Variants in ADAM32 observed in about 807,000 individuals in gnomAD.
ADAM32 encodes the protein disintegrin and metalloproteinase domain-containing protein 32.
ADAM32 carries 89 observed loss-of-function variants against 114.9 expected under a neutral mutation model. That is an observed-to-expected ratio of 0.77 (90% CI 0.65 to 0.92). ADAM32 has a LOEUF of 0.92. ADAM32 is among the 40% of genes least tolerant of loss of function. The pLI is 0.00. For missense variants in ADAM32, 870 were observed against 932.8 expected, an observed-to-expected ratio of 0.93 and a Z score of 0.88; for synonymous variants, 285 against 307.5, an observed-to-expected ratio of 0.93 and a Z score of 0.77.
chr8:39,151,145 T>C (rs1270450619), intron 5 of ADAM32, among the ~76,000 whole-genome samples: 1 of 152,206 alleles, frequency 6.6e-6, no homozygotes, highest in Non-Finnish European at 1.5e-5. Context: ...CTTGTGTACC[T>C]AGCAATTGAT....
At chr8:39,229,247 C>G (rs1809580377) in intron 14 of ADAM32, among the ~76,000 whole-genome samples, 1 of 152,138 alleles carries the variant, frequency 6.6e-6, no homozygotes, top group Admixed American at 6.6e-5. Context: ...ATAAATCACA[C>G]AGGACCTATA....
At chr8:39,109,918 C>T (rs1457985256) in intron 1 of ADAM32, among the ~76,000 whole-genome samples, 1 of 152,164 alleles carries the variant, frequency 6.6e-6, no homozygotes, top group Non-Finnish European at 1.5e-5. Flanking sequence ...CCCCTGGCAA[C>T]AACTCATCTC....
intron 19 of ADAM32, among the ~76,000 whole-genome samples, chr8:39,260,435 CT>C (rs1267685503): frequency 6.6e-6 from 1 of 152,074 alleles, no homozygotes; most frequent in Admixed American, 6.5e-5. Context: ...TAGCTTTTCA[CT>C]GTTAAGTTTA....
At chr8:39,214,270 T>A (rs1056518896) in intron 12 of ADAM32, among the ~76,000 whole-genome samples, 2 of 152,190 alleles carry the variant, frequency 1.3e-5, no homozygotes, top group African/African-American at 4.8e-5. Context: ...CAAACTGTTA[T>A]ACATAGTGAT....
At chr8:39,205,263 G>C (rs375265843) in intron 11 of ADAM32, among the ~76,000 whole-genome samples, 1 of 152,184 alleles carries the variant, frequency 6.6e-6, no homozygotes, top group Non-Finnish European at 1.5e-5. Context: ...CTTGAGCTGC[G>C]GTGGGCTCCA....
intron 14 of ADAM32, among the ~76,000 whole-genome samples, chr8:39,224,445 A>T (rs1430822830): frequency 6.6e-6 from 1 of 152,046 alleles, no homozygotes; most frequent in Non-Finnish European, 1.5e-5. Context: ...GTTATCTTTT[A>T]TCTTTTTGAC....
At chr8:39,152,968 G>A (rs954688793) in intron 6 of ADAM32, among the ~76,000 whole-genome samples, 3 of 152,122 alleles carry the variant, frequency 2.0e-5, no homozygotes, top group African/African-American at 7.2e-5. Context: ...TGGACATACT[G>A]ACATGTAATG....
At position 39,278,238 on chromosome 8, in the gene ADAM32, C is replaced by A. The variant is rs900891382; in HGVS notation, c.2279+2372C>A. Among the ~76,000 whole-genome samples, 3 of 152,150 alleles carry A rather than the reference C, an allele frequency of 2.0e-5. No individual in the cohort carries two copies. In the South Asian group the frequency reaches 6.2e-4, roughly 32 times the overall value. ...TAGTCCCTGACGTCCAGCTGCCTCT[C>A]GTCTCTGCCAACTGAGTCTGGGGTC... is the stretch of plus-strand genomic sequence containing the variant. On this transcript the variant is annotated intron_variant, in intron 22 of 24. Transcript: ENST00000379907.
intron 22 of ADAM32, among the ~76,000 whole-genome samples, chr8:39,277,858 G>A (rs1813180657): frequency 6.6e-6 from 1 of 152,228 alleles, no homozygotes; most frequent in Non-Finnish European, 1.5e-5. Flanking sequence ...TTTTAGCTTG[G>A]ACAGCTTAAG....
Position 39,257,276 on chromosome 8 carries a change from G to T in ADAM32, c.2095G>T (p.Ala699Ser), listed in dbSNP as rs772218233. Residue 699 changes from alanine (A) to serine (S), a missense_variant, in exon 19 of 25, where the codon GCA becomes TCA. Ala to Ser is a moderately conservative substitution (Grantham distance 99, BLOSUM62 1). Transcript: ENST00000379907. Reference sequence around the variant, plus strand: ...TCTTCCTATTCTCATTGTAACAACCGCAATAGTTTTGGCAAGGAAACAGTT... The same window carrying T: ...TCTTCCTATTCTCATTGTAACAACCTCAATAGTTTTGGCAAGGAAACAGTT... The part of the protein sequence containing the change: ...IALPILIVTT[A>S]IVLARKQLKK... The T allele has an allele frequency of 3.1e-6, 5 of 1,612,648 alleles. No homozygotes were observed. The highest frequency in any genetic ancestry group is 1.7e-5 in the Admixed American group (1 of 59,866).
chr8:39,240,862 A>G (rs1162959620), intron 16 of ADAM32, among the ~76,000 whole-genome samples: 1 of 152,168 alleles, frequency 6.6e-6, no homozygotes, highest in Non-Finnish European at 1.5e-5. Context: ...ATGTCCTCAC[A>G]TTTCAAAACC....
At chr8:39,211,060 T>C (rs1808172740) in intron 11 of ADAM32, 84 bp from the exon 12 acceptor site, 2 of 1,172,172 alleles carry the variant, frequency 1.7e-6, no homozygotes. Context: ...CAATTGAATT[T>C]AACATTTTGA....
chr8:39,179,143 A>T (rs1377762442), intron 10 of ADAM32, among the ~76,000 whole-genome samples: 4 of 152,070 alleles, frequency 2.6e-5, no homozygotes. Context: ...CGGCTGAACC[A>T]CAGAGACTAT....
intron 22 of ADAM32, among the ~76,000 whole-genome samples, chr8:39,277,309 C>T (rs1045439074): frequency 3.3e-5 from 5 of 152,164 alleles, no homozygotes; most frequent in African/African-American, 1.2e-4. Flanking sequence ...TCTGGCTTAC[C>T]GTGCACCAGG....
intron 16 of ADAM32, among the ~76,000 whole-genome samples, chr8:39,240,453 A>C (rs1466964947): frequency 6.6e-6 from 1 of 152,234 alleles, no homozygotes; most frequent in Admixed American, 6.5e-5. Context: ...TATAGCATTA[A>C]ATGCCTACAT....
intron 2 of ADAM32, chr8:39,130,888 G>C (rs1436774856): frequency 1.8e-5 from 8 of 455,818 alleles, no homozygotes; most frequent in Non-Finnish European, 3.5e-5. Flanking sequence ...GTTAGCTTGT[G>C]TTGGCTAATA....
At chr8:39,143,755 C>T (rs1803328290) in intron 3 of ADAM32, among the ~76,000 whole-genome samples, 1 of 152,162 alleles carries the variant, frequency 6.6e-6, no homozygotes, top group Non-Finnish European at 1.5e-5. Context: ...AGCTGTCAGA[C>T]TGGATGTTTA....
chr8:39,141,842 T>C (rs1006974759), intron 3 of ADAM32, among the ~76,000 whole-genome samples: 2 of 152,150 alleles, frequency 1.3e-5, no homozygotes, highest in Admixed American at 6.5e-5. Context: ...TTTGTAGGTC[T>C]CTAAGGACTT....
chr8:39,260,026 C>T (rs558322641), intron 19 of ADAM32, among the ~76,000 whole-genome samples: 59 of 152,252 alleles, frequency 3.9e-4, no homozygotes, highest in Non-Finnish European at 6.3e-4. Flanking sequence ...CTGTTGGAAT[C>T]CTACTTTTTC....
Sources: allele counts gnomAD v4.1 joint callset (sites outside exome capture counted in the v4.1 genomes callset), GRCh38; gene constraint gnomAD v4.1.1; transcripts MANE v1.5; gene names NCBI Gene and HGNC (gene_info 2026-07-23, HGNC 2026-07-21).